The following DDHD1 variants were observed in gnomAD, a reference collection of about 807,000 sequenced individuals.
DDHD1 encodes the protein phospholipase DDHD1.
In DDHD1, 49 loss-of-function variants were observed where a neutral mutation model predicts 96.4. That is an observed-to-expected ratio of 0.51 (90% confidence interval 0.40 to 0.64). The LOEUF (loss-of-function observed/expected upper bound fraction) is 0.64, where lower values mean the gene tolerates loss of function less well. DDHD1 is among the 30% of genes least tolerant of loss of function. The pLI is 0.00. For synonymous variants in DDHD1, 442 were observed against 446.5 expected, an observed-to-expected ratio of 0.99 and a Z score of 0.13; for missense variants, 1,106 against 1,161.2, an observed-to-expected ratio of 0.95 and a Z score of 0.69.
Position 53,055,732 on chromosome 14 carries a change from C to T in DDHD1, c.2173G>A (p.Val725Met). The T allele has an allele frequency of 6.2e-7, 1 of 1,614,028 alleles. No individual in the cohort carries two copies. The highest frequency in any genetic ancestry group is 8.5e-7 in the Non-Finnish European group (1 of 1,179,968). ...NEGISTIPSP[V>M]TSPVLSRRHY... is the part of the protein sequence containing the mutation. Reference sequence around the variant, plus strand: ...CGGCGGGACAAAACTGGTGAGGTCACAGGGCTTGGTATGGTTGAAATGCCT... The same window carrying T: ...CGGCGGGACAAAACTGGTGAGGTCATAGGGCTTGGTATGGTTGAAATGCCT... The change falls in exon 10 of 13, where the codon GTG becomes ATG. Residue 725 changes from valine to methionine, a missense_variant. Around this residue, in one of 2 missense-constraint regions of DDHD1, gnomAD observed 650 missense variants for 758.8 expected, o/e 0.86. Transcript: ENST00000673822.
In DDHD1 at chr14:53,144,241, C is replaced by T. The variant is rs565019242; in HGVS notation, c.838+8020G>A. On this transcript the variant is annotated intron_variant, in intron 1 of 12. Transcript: ENST00000673822. ...ATGTTTTCCAGTGAAAGGCAAAGAG[C>T]GGAATCATGGGTAACTTGTGCTAAT... 1.1e-4 allele frequency among the ~76,000 whole-genome samples: 16 copies of T among 152,304 alleles called. No individual in the cohort carries two copies. The South Asian group carries it at 2.3e-3, about 22-fold the overall frequency.
At chr14:53,146,010 C>G (rs1385901311) in intron 1 of DDHD1, among the ~76,000 whole-genome samples, 2 of 151,876 alleles carry the variant, frequency 1.3e-5, no homozygotes, top group Non-Finnish European at 2.9e-5. Flanking sequence ...AGTTCAAGAC[C>G]AGCCTGACCA....
intron 1 of DDHD1, among the ~76,000 whole-genome samples, chr14:53,140,880 A>C (rs2139881263): frequency 6.6e-6 from 1 of 152,362 alleles, no homozygotes; most frequent in East Asian, 1.9e-4. Context: ...GAAAAGATAC[A>C]AATTGCAAAT....
At chr14:53,149,461 A>C (rs951870944) in intron 1 of DDHD1, among the ~76,000 whole-genome samples, 5 of 152,234 alleles carry the variant, frequency 3.3e-5, no homozygotes, top group Non-Finnish European at 7.3e-5. Flanking sequence ...TATTTGAAGA[A>C]AGGCTGAAGA....
chr14:53,063,260 C>A, intron 6 of DDHD1, 55 bp from the exon 7 acceptor site: 1 of 1,549,692 alleles, frequency 6.5e-7, no homozygotes, highest in Non-Finnish European at 8.7e-7. Flanking sequence ...CTACTATACA[C>A]TTATTCTAAA....
chr14:53,093,620 A>C, intron 2 of DDHD1, 176 bp from the exon 3 acceptor site: 2 of 690,582 alleles, frequency 2.9e-6, no homozygotes, highest in Admixed American at 7.2e-5. Flanking sequence ...AGTAATGGAT[A>C]GGGACTTTAT....
intron 12 of DDHD1, among the ~76,000 whole-genome samples, chr14:53,050,227 A>G (rs867181361): frequency 6.6e-6 from 1 of 152,188 alleles, no homozygotes; most frequent in African/African-American, 2.4e-5. Flanking sequence ...AAGAAACAGC[A>G]TGAGCAAAAC....
At chr14:53,136,000 G>C (rs1890211318) in intron 1 of DDHD1, among the ~76,000 whole-genome samples, 1 of 152,158 alleles carries the variant, frequency 6.6e-6, no homozygotes, top group African/African-American at 2.4e-5. Flanking sequence ...AGTGAAAATA[G>C]CCTTAACTGA....
chr14:53,050,501 G>A (rs566058547), intron 12 of DDHD1, among the ~76,000 whole-genome samples: 2 of 152,030 alleles, frequency 1.3e-5, no homozygotes, highest in Non-Finnish European at 2.9e-5. Flanking sequence ...CTAGAACTGA[G>A]AGAGTCCTTT....
At position 53,089,610 on chromosome 14, in the gene DDHD1, A is replaced by G. The variant is rs1378438741; in HGVS notation, c.1289+2175T>C. Among the ~76,000 whole-genome samples, 7 of 152,316 alleles carry G rather than the reference A, an allele frequency of 4.6e-5. No homozygotes were observed. In the South Asian group the frequency reaches 1.2e-3, roughly 27 times the overall value. ...ATGATGCTGGGAAAACTGGCTAGCC[A>G]TATGTAGAAACTGGCTAGCCATATG... On this transcript the variant is annotated intron_variant, in intron 4 of 12. Transcript: ENST00000673822.
At position 53,044,847 on chromosome 14, in the gene DDHD1, T is replaced by C. The variant is rs943524600; in HGVS notation, c.*1921A>G. 2 of 152,202 alleles carry C rather than the reference T, an allele frequency of 1.3e-5. No homozygotes were observed. The highest frequency in any genetic ancestry group is 4.8e-5 in the African/African-American group (2 of 41,452). The allele number at this position is 152,202 out of a possible 1,614,324, so 9.4% of individuals were successfully genotyped here. ...TACAAGTAAGCCACAGATTCTACTA[T>C]CTTATGAAGAAAGGAGGAGGTGAGA... On this transcript the variant is annotated 3_prime_UTR_variant, in exon 13 of 13. Transcript: ENST00000673822.
At chr14:53,120,712 T>C (rs1281784135) in intron 1 of DDHD1, among the ~76,000 whole-genome samples, 1 of 152,168 alleles carries the variant, frequency 6.6e-6, no homozygotes, top group African/African-American at 2.4e-5. Flanking sequence ...ATTCCTTATT[T>C]AATAAATGGT....
At chr14:53,107,962 G>A (rs1463200929) in intron 1 of DDHD1, among the ~76,000 whole-genome samples, 3 of 152,164 alleles carry the variant, frequency 2.0e-5, no homozygotes, top group Non-Finnish European at 4.4e-5. Context: ...ACAGCGGGAG[G>A]GACAATGATC....
At chr14:53,091,218 G>A (rs1045333364) in intron 4 of DDHD1, among the ~76,000 whole-genome samples, 34 of 152,262 alleles carry the variant, frequency 2.2e-4, no homozygotes, top group African/African-American at 7.5e-4. Context: ...TTTGAAACAC[G>A]CAAATATCAC....
intron 4 of DDHD1, among the ~76,000 whole-genome samples, chr14:53,084,080 C>A (rs1885721957): frequency 6.6e-6 from 1 of 152,180 alleles, no homozygotes; most frequent in South Asian, 2.1e-4. Context: ...TGGCTACATA[C>A]ATAGATTCAG....
At chr14:53,105,021 G>T (rs148877250) in intron 1 of DDHD1, among the ~76,000 whole-genome samples, 2 of 152,038 alleles carry the variant, frequency 1.3e-5, no homozygotes, top group African/African-American at 4.8e-5. Context: ...TGTAGGTTAA[G>T]ATGAATGTAT....
intron 1 of DDHD1, among the ~76,000 whole-genome samples, chr14:53,104,695 G>A (rs1195120985): frequency 2.0e-5 from 3 of 152,010 alleles, no homozygotes; most frequent in African/African-American, 7.2e-5. Flanking sequence ...AAGACTTTTA[G>A]TTGTTATTTA....
chr14:53,150,359 C>T (rs1463922370), intron 1 of DDHD1, among the ~76,000 whole-genome samples: 1 of 152,232 alleles, frequency 6.6e-6, no homozygotes, highest in African/African-American at 2.4e-5. Flanking sequence ...CCCCACTAGA[C>T]TAATGAATGA....
chr14:53,150,497 CTT>C (rs971850756), intron 1 of DDHD1, among the ~76,000 whole-genome samples: 2 of 152,202 alleles, frequency 1.3e-5, no homozygotes, highest in African/African-American at 4.8e-5. Context: ...TCAAAAATCA[CTT>C]TGTAAACAGT....
Sources: allele counts gnomAD v4.1 joint callset (sites outside exome capture counted in the v4.1 genomes callset), GRCh38; gene constraint gnomAD v4.1.1; regional missense constraint gnomAD v4.1.1; transcripts MANE v1.5; gene names NCBI Gene and HGNC (gene_info 2026-07-23, HGNC 2026-07-21).